The following SPAG9 variants were observed in gnomAD, a reference collection of about 807,000 sequenced individuals.
SPAG9 encodes the protein C-Jun-amino-terminal kinase-interacting protein 4.
A neutral mutation model predicts 166.5 loss-of-function variants in SPAG9; 35 were observed. The observed-to-expected ratio is 0.21, with a 90% CI of 0.16 to 0.28. The LOEUF (loss-of-function observed/expected upper bound fraction) is 0.28, where lower values mean the gene tolerates loss of function less well. Ranked by LOEUF, SPAG9 falls within the 10% of genes least tolerant of loss-of-function variation. The probability of loss-of-function intolerance (pLI) is 1.00; values close to 1 mark genes in which losing one functional copy is unlikely to be tolerated. For missense variants in SPAG9, 1,235 were observed against 1,603.3 expected (o/e 0.77, Z 3.92); for synonymous variants, 534 against 565.5 (o/e 0.94, Z 0.79).
At chr17:51,101,747 C>T (rs1307055176) in intron 1 of SPAG9, among the ~76,000 whole-genome samples, 6 of 151,920 alleles carry the variant, frequency 3.9e-5, no homozygotes, top group African/African-American at 1.2e-4. Flanking sequence ...TCTCAGCCTC[C>T]GGAGTAGCTG....
In SPAG9 at chr17:50,987,124, G is replaced by A; in HGVS notation, c.2927C>T (p.Ala976Val). 1.2e-6 allele frequency: 2 copies of A among 1,608,492 alleles called. No individual in the cohort carries two copies. The highest frequency in any genetic ancestry group is 1.7e-6 in the Non-Finnish European group (2 of 1,178,192). The change falls in exon 22 of 30, where the codon GCT becomes GTT. Residue 976 changes from alanine to valine, a missense_variant. Coordinates refer to ENST00000262013, the MANE Select transcript of SPAG9 (RefSeq NM_001130528.3). ...SSLLPTMWLG[A>V]QNGCLYVHSS... is the part of the protein sequence containing the mutation. ...CATTGACACCTACCAGCCATTTTGA[G>A]CTCCAAGCCACATAGTTGGTAAAAG...
At chr17:51,009,716 G>T (rs79638801) in intron 9 of SPAG9, among the ~76,000 whole-genome samples, 1 of 151,938 alleles carries the variant, frequency 6.6e-6, no homozygotes, top group South Asian at 2.1e-4. Flanking sequence ...TACTCTTAAG[G>T]GAAAACACTA....
intron 8 of SPAG9, among the ~76,000 whole-genome samples, chr17:51,018,489 A>C (rs2045796815): frequency 1.3e-5 from 2 of 152,214 alleles, no homozygotes; most frequent in Non-Finnish European, 2.9e-5. Context: ...ATGGAAGTAC[A>C]TTCTCTCTTC....
chr17:51,083,231 CTTTT>C (rs1038107789), intron 1 of SPAG9, among the ~76,000 whole-genome samples: 1 of 141,896 alleles, frequency 7.0e-6, no homozygotes, highest in East Asian at 2.0e-4. Context: ...TTTCTTTTTT[CTTTT>C]TTTTTTTTTT....
chr17:51,110,989 G>A (rs937072722), intron 1 of SPAG9, among the ~76,000 whole-genome samples: 4 of 151,924 alleles, frequency 2.6e-5, no homozygotes, highest in Non-Finnish European at 4.4e-5. Flanking sequence ...GGTGGCGGGC[G>A]CCTGTAGTCC....
intron 3 of SPAG9, 148 bp downstream of exon 3, chr17:51,056,264 C>T (rs985681141): frequency 1.1e-5 from 7 of 638,296 alleles, no homozygotes; most frequent in Non-Finnish European, 1.7e-5. Context: ...GTAAATGCCA[C>T]ATGAAATTTA....
At chr17:51,069,898 T>C (rs1392277312) in intron 2 of SPAG9, among the ~76,000 whole-genome samples, 2 of 152,168 alleles carry the variant, frequency 1.3e-5, no homozygotes, top group African/African-American at 4.8e-5. Flanking sequence ...TCCATTTAAT[T>C]CAAAAAGACG....
intron 6 of SPAG9, among the ~76,000 whole-genome samples, chr17:51,022,198 G>A (rs917101582): frequency 2.0e-5 from 3 of 151,556 alleles, no homozygotes; most frequent in Admixed American, 6.6e-5. Context: ...CAGCTGAGGC[G>A]GGAGGATCCC....
chr17:51,049,552 G>A (rs1367265069), intron 3 of SPAG9, among the ~76,000 whole-genome samples: 2 of 152,028 alleles, frequency 1.3e-5, no homozygotes, highest in Non-Finnish European at 2.9e-5. Flanking sequence ...TTTGGGATGC[G>A]CCTGTAGTAC....
At position 51,037,665 on chromosome 17, in the gene SPAG9, T is replaced by TTA. The variant is rs59365716; in HGVS notation, c.741+3834_741+3835dup. On this transcript the variant is annotated intron_variant, in intron 5 of 29. Coordinates refer to ENST00000262013, the MANE Select transcript of SPAG9 (RefSeq NM_001130528.3). ...AATAAAATAAGTAAATATATGTGTT[T>TTA]TATATATATATATATATATAGTGTG... Among the ~76,000 whole-genome samples, 395 of 92,928 alleles carry TTA rather than the reference T, an allele frequency of 4.3e-3. 37 individuals are homozygous for TTA. In the South Asian group the frequency reaches 0.044, roughly 10 times the overall value. The allele number at this position is 92,928 out of a possible 152,430, so 61.0% of individuals were successfully genotyped here.
intron 5 of SPAG9, among the ~76,000 whole-genome samples, chr17:51,040,168 A>T (rs1040457571): frequency 1.3e-4 from 20 of 150,870 alleles, no homozygotes; most frequent in African/African-American, 4.9e-4. Context: ...CAGGAGGAGG[A>T]TGCAGTGAGC....
rs114806768 is a variant in SPAG9 at position 51,081,407 on chromosome 17, C to T, written c.304-1703G>A. Among the ~76,000 whole-genome samples the T allele has an allele frequency of 1.3e-3, 198 of 152,034 alleles. 1 individual carries two copies. Among genetic ancestry groups the T allele is most frequent in the African/African-American group, 4.5e-3 (187 of 41,464 alleles). On this transcript the variant is annotated intron_variant, in intron 1 of 29. Transcript: ENST00000262013. ...CGGAGGTTACAGTAAGCTGAGATCA[C>T]GCCACTAAACTCCAGCCTGGGCGAC...
chr17:51,108,175 T>C (rs1392057465), intron 1 of SPAG9, among the ~76,000 whole-genome samples: 2 of 150,946 alleles, frequency 1.3e-5, no homozygotes, highest in Non-Finnish European at 2.9e-5. Context: ...TCACCTGAGG[T>C]TGCAAGTTCA....
intron 26 of SPAG9, 42 bp from the exon 27 acceptor site, chr17:50,977,263 A>C: frequency 8.0e-7 from 1 of 1,251,032 alleles, no homozygotes; most frequent in Non-Finnish European, 1.2e-6. Context: ...AAACTAAAGC[A>C]GACAGTGTTT....
At chr17:51,077,021 T>TCTAGCTATCTAGCTAG in intron 2 of SPAG9, among the ~76,000 whole-genome samples, 1 of 76,136 alleles carries the variant, frequency 1.3e-5, no homozygotes, top group South Asian at 3.5e-4. Context: ...TAGCTAGCTA[T>TCTAGCTATCTAGCTAG]CTAGCTATCT....
At chr17:51,105,384 G>A (rs553034380) in intron 1 of SPAG9, among the ~76,000 whole-genome samples, 4 of 152,200 alleles carry the variant, frequency 2.6e-5, no homozygotes, top group Admixed American at 6.6e-5. Context: ...GAAGGAATAA[G>A]ATAGAAAACA....
rs1339507162 is a variant in SPAG9 at position 51,077,093 on chromosome 17, TCTATCTAGCTAG to T, written c.424+2479_424+2490del. On this transcript the variant is annotated intron_variant, in intron 2 of 29. Coordinates refer to ENST00000262013, the MANE Select transcript of SPAG9 (RefSeq NM_001130528.3). Reference sequence around the variant, plus strand: ...AGCTATCTAGCTATCTAGCTAGCTATCTATCTAGCTAGCTATCTAGCTATCTAGCTAGCTATC... The same window carrying T: ...AGCTATCTAGCTATCTAGCTAGCTATCTATCTAGCTATCTAGCTAGCTATC... Among the ~76,000 whole-genome samples, 66 of 56,114 alleles carry T rather than the reference TCTATCTAGCTAG, an allele frequency of 1.2e-3. 1 individual carries two copies. The highest frequency in any genetic ancestry group is 8.1e-3 in the Middle Eastern group (1 of 124). The allele number at this position is 56,114 out of a possible 152,430, so 36.8% of individuals were successfully genotyped here. A position where few individuals can be genotyped will look rare whatever the true frequency, so the allele number is the denominator to read the frequency against.
intron 8 of SPAG9, among the ~76,000 whole-genome samples, chr17:51,018,742 C>T (rs1406840993): frequency 6.6e-6 from 1 of 152,020 alleles, no homozygotes; most frequent in Admixed American, 6.6e-5. Context: ...CTGAAGTGTC[C>T]GGCAGGCTGG....
chr17:51,075,136 C>CA (rs2047930460), intron 2 of SPAG9, among the ~76,000 whole-genome samples: 1 of 127,134 alleles, frequency 7.9e-6, no homozygotes, highest in Non-Finnish European at 1.6e-5. Flanking sequence ...GCGGAGGTTG[C>CA]AGTGAACCAA....
Sources: allele counts gnomAD v4.1 joint callset (sites outside exome capture counted in the v4.1 genomes callset), GRCh38; gene constraint gnomAD v4.1.1; transcripts MANE v1.5; gene names NCBI Gene and HGNC (gene_info 2026-07-23, HGNC 2026-07-21).